The following CHN2 variants were observed in gnomAD, a reference collection of about 807,000 sequenced individuals.
CHN2 encodes chimerin 2.
A neutral mutation model predicts 56.3 loss-of-function variants in CHN2; 35 were observed. The observed-to-expected ratio is 0.62, with a 90% CI of 0.47 to 0.82. The LOEUF is 0.82. CHN2 is among the 40% of genes least tolerant of loss of function. The probability of loss-of-function intolerance (pLI) is 0.00; values close to 1 mark genes in which losing one functional copy is unlikely to be tolerated. For missense variants in CHN2, 491 were observed against 580.5 expected, an observed-to-expected ratio of 0.85 and a Z score of 1.58; for synonymous variants, 210 against 212.8, an observed-to-expected ratio of 0.99 and a Z score of 0.12.
intron 6 of CHN2, among the ~76,000 whole-genome samples, chr7:29,462,665 C>T (rs1785248574): frequency 6.6e-6 from 1 of 152,154 alleles, no homozygotes; most frequent in Non-Finnish European, 1.5e-5. Context: ...CATAACAGCT[C>T]ATGGCTCCAA....
intron 6 of CHN2, among the ~76,000 whole-genome samples, chr7:29,422,722 C>G (rs1180623419): frequency 1.3e-5 from 2 of 152,176 alleles, no homozygotes; most frequent in African/African-American, 4.8e-5. Context: ...AAATTTGCAT[C>G]TTACAAAGCT....
At chr7:29,238,642 A>G (rs1224555202) in intron 1 of CHN2, among the ~76,000 whole-genome samples, 1 of 152,200 alleles carries the variant, frequency 6.6e-6, no homozygotes, top group Non-Finnish European at 1.5e-5. Flanking sequence ...TTTAGGGAAG[A>G]AAAAATGGGG....
At chr7:29,228,435 G>A (rs1270424196) in intron 1 of CHN2, among the ~76,000 whole-genome samples, 2 of 152,146 alleles carry the variant, frequency 1.3e-5, no homozygotes, top group East Asian at 1.9e-4. Context: ...TCCAGCATAC[G>A]CTGTCTAGGT....
chr7:29,186,272 T>A (rs1362290496), intron 2 of CHN2, among the ~76,000 whole-genome samples: 1 of 151,810 alleles, frequency 6.6e-6, no homozygotes, highest in Non-Finnish European at 1.5e-5. Flanking sequence ...AATGACAGTA[T>A]CATCATAGGT....
chr7:29,439,468 A>G (rs55909330), intron 6 of CHN2, among the ~76,000 whole-genome samples: 39,748 of 151,878 alleles, frequency 0.26, 6,077 homozygotes, highest in African/African-American at 0.42. Flanking sequence ...CTTCCCCACA[A>G]GATCTTTCCA....
chr7:29,479,601 T>G, intron 6 of CHN2: 2 of 920,592 alleles, frequency 2.2e-6, no homozygotes, highest in Non-Finnish European at 2.6e-6. Flanking sequence ...CATCAGGGTT[T>G]AAAGGTTTAA....
intron 2 of CHN2, among the ~76,000 whole-genome samples, chr7:29,360,485 A>G (rs1226719181): frequency 2.6e-5 from 4 of 152,322 alleles, no homozygotes; most frequent in East Asian, 1.9e-4. Context: ...ATGCCATTGC[A>G]CTGCAGCCTG....
chr7:29,314,390 G>T (rs1178212843), intron 1 of CHN2, among the ~76,000 whole-genome samples: 1 of 152,174 alleles, frequency 6.6e-6, no homozygotes, highest in African/African-American at 2.4e-5. Context: ...AGTGAGGGAG[G>T]AATGGAGATT....
intron 1 of CHN2, among the ~76,000 whole-genome samples, chr7:29,327,889 T>C (rs1250829236): frequency 6.6e-6 from 1 of 152,230 alleles, no homozygotes; most frequent in Non-Finnish European, 1.5e-5. Flanking sequence ...GTTGTTTCTT[T>C]GTGCTTCTTT....
intron 1 of CHN2, among the ~76,000 whole-genome samples, chr7:29,197,356 A>G (rs894060753): frequency 6.6e-6 from 1 of 152,164 alleles, no homozygotes; most frequent in African/African-American, 2.4e-5. Context: ...TTCATCACCG[A>G]CCAGCTGGGT....
intron 1 of CHN2, among the ~76,000 whole-genome samples, chr7:29,229,718 C>T (rs2128799996): frequency 6.6e-6 from 1 of 152,236 alleles, no homozygotes; most frequent in East Asian, 1.9e-4. Flanking sequence ...CGTGGTGGCT[C>T]ATGCCTGTAA....
chr7:29,194,896 G>T lies in CHN2; in HGVS notation c.-46G>T. ...GCCGGGCGAGGGCAGCGGCGGCGGC[G>T]TCCGCACCGGGGCTGAGCGAGCAGC... On this transcript the variant is annotated 5_prime_UTR_variant, in exon 1 of 13. Coordinates refer to ENST00000222792, the MANE Select transcript of CHN2 (RefSeq NM_004067.4). 1.4e-6 allele frequency: 2 copies of T among 1,442,932 alleles called. No individual in the cohort carries two copies. The highest frequency in any genetic ancestry group is 1.8e-6 in the Non-Finnish European group (2 of 1,102,086). 89.4% of individuals were successfully genotyped at this position (1,442,932 alleles called of 1,614,324 possible). A position where few individuals can be genotyped will look rare whatever the true frequency, so the allele number is the denominator to read the frequency against.
chr7:29,353,541 C>G (rs1420716358), intron 1 of CHN2, among the ~76,000 whole-genome samples: 2 of 152,142 alleles, frequency 1.3e-5, no homozygotes, highest in African/African-American at 4.8e-5. Flanking sequence ...TGTAATCCAG[C>G]TACTCAGGAG....
At chr7:29,456,025 A>G (rs1784727303) in intron 6 of CHN2, among the ~76,000 whole-genome samples, 1 of 152,202 alleles carries the variant, frequency 6.6e-6, no homozygotes, top group South Asian at 2.1e-4. Flanking sequence ...GTCAAAACCA[A>G]TAATAATAAT....
intron 1 of CHN2, among the ~76,000 whole-genome samples, chr7:29,223,792 A>C (rs1785983928): frequency 6.6e-6 from 1 of 152,178 alleles, no homozygotes; most frequent in Non-Finnish European, 1.5e-5. Context: ...TTGCTAGGTC[A>C]TGAGGTACAT....
intron 3 of CHN2, among the ~76,000 whole-genome samples, chr7:29,373,410 G>T (rs1799778766): frequency 6.6e-6 from 1 of 151,680 alleles, no homozygotes; most frequent in Non-Finnish European, 1.5e-5. Flanking sequence ...CCCAACCTCA[G>T]GTGATCTGCC....
intron 3 of CHN2, among the ~76,000 whole-genome samples, chr7:29,386,233 T>A (rs1272139737): frequency 6.6e-6 from 1 of 152,206 alleles, no homozygotes; most frequent in Non-Finnish European, 1.5e-5. Flanking sequence ...TTTCTTTCTC[T>A]CCTTTTCAGT....
chr7:29,250,910 G>A (rs997461921), intron 1 of CHN2, among the ~76,000 whole-genome samples: 41 of 151,914 alleles, frequency 2.7e-4, no homozygotes, highest in Admixed American at 2.6e-4. Context: ...AGCTTTCACC[G>A]TGTTAGCCAG....
chr7:29,502,865 C>T (rs1172387676), intron 9 of CHN2, among the ~76,000 whole-genome samples: 1 of 152,054 alleles, frequency 6.6e-6, no homozygotes, highest in Non-Finnish European at 1.5e-5. Flanking sequence ...GCCCTGTATG[C>T]ATTAGGTATT....
Sources: gnomAD v4.1 joint callset for allele counts (sites outside exome capture counted in the v4.1 genomes callset) on GRCh38, gnomAD v4.1.1 for gene constraint, MANE v1.5 for transcripts, NCBI Gene and HGNC (gene_info 2026-07-23, HGNC 2026-07-21) for gene names.